The following RSPH14 variants were observed in gnomAD, a reference collection of about 807,000 sequenced individuals.
The protein encoded by RSPH14 is rhabdoid tumor deletion region gene 1.
A neutral mutation model predicts 26.7 loss-of-function variants in RSPH14; 20 were observed. The observed-to-expected ratio is 0.75, with a 90% confidence interval of 0.53 to 1.09. The LOEUF is 1.09. Among genes scored for constraint, RSPH14 ranks in the 50% least tolerant of loss-of-function variants. RSPH14 has a pLI of 0.00. For synonymous variants in RSPH14, 177 were observed against 189.3 expected, an observed-to-expected ratio of 0.93 and a Z score of 0.53; for missense variants, 449 against 457.2, an observed-to-expected ratio of 0.98 and a Z score of 0.16.
intron 4 of RSPH14, among the ~76,000 whole-genome samples, chr22:23,131,875 G>A (rs889164942): frequency 1.3e-5 from 2 of 152,134 alleles, no homozygotes; most frequent in Non-Finnish European, 2.9e-5. Context: ...GCACGGTGGT[G>A]TTTTTAAAAA....
intron 5 of RSPH14, among the ~76,000 whole-genome samples, chr22:23,062,635 G>A (rs1051007652): frequency 4.6e-5 from 7 of 152,194 alleles, no homozygotes; most frequent in Non-Finnish European, 8.8e-5. Flanking sequence ...TGACCTCAAA[G>A]ACACAGGTGT....
At chr22:23,149,753 C>T (rs1273483547), upstream of RSPH14, among the ~76,000 whole-genome samples, 1 of 152,226 alleles carries the variant, frequency 6.6e-6, no homozygotes, top group Non-Finnish European at 1.5e-5. Flanking sequence ...TCGTCTCGCC[C>T]TGAGAGGGTT....
chr22:23,062,162 G>A (rs969708066), intron 5 of RSPH14, among the ~76,000 whole-genome samples: 12 of 152,218 alleles, frequency 7.9e-5, no homozygotes, highest in African/African-American at 2.9e-4. Context: ...TGAAGACCAC[G>A]GGGTGACAGG....
At chr22:23,179,162 G>A in the RSPH14 span, among the ~76,000 whole-genome samples, 1 of 152,342 alleles carries the variant, frequency 6.6e-6, no homozygotes, top group African/African-American at 2.4e-5. Context: ...CAAAGTATCT[G>A]CTCCAGATGA....
intron 4 of RSPH14, among the ~76,000 whole-genome samples, chr22:23,126,657 C>T (rs1043766046): frequency 3.3e-5 from 5 of 152,192 alleles, no homozygotes; most frequent in East Asian, 1.9e-4. Flanking sequence ...TCTTAGCCAA[C>T]GGGAGGTAAG....
intron 4 of RSPH14, among the ~76,000 whole-genome samples, chr22:23,083,894 G>A (rs1169252737): frequency 6.6e-6 from 1 of 152,204 alleles, no homozygotes; most frequent in Non-Finnish European, 1.5e-5. Context: ...AGTAGTCAGG[G>A]GTCCTCATCA....
intron 4 of RSPH14, among the ~76,000 whole-genome samples, chr22:23,111,083 C>T (rs987243665): frequency 1.1e-4 from 17 of 152,324 alleles, no homozygotes; most frequent in South Asian, 4.1e-4. Flanking sequence ...GGGGGGCCTG[C>T]GCGCCTTCCC....
chr22:23,180,502 CTGCGG>C, the RSPH14 span: 1 of 168,196 alleles, frequency 5.9e-6, no homozygotes, highest in East Asian at 1.3e-4. Flanking sequence ...CCTCCCCTTC[CTGCGG>C]CGCAGAGTGC....
At chr22:23,120,981 T>C (rs2070008638) in intron 4 of RSPH14, among the ~76,000 whole-genome samples, 1 of 152,234 alleles carries the variant, frequency 6.6e-6, no homozygotes, top group Non-Finnish European at 1.5e-5. Flanking sequence ...GACAGCTCTG[T>C]TACCACAGTC....
At chr22:23,117,440 C>T (rs1159079655) in intron 4 of RSPH14, among the ~76,000 whole-genome samples, 2 of 152,226 alleles carry the variant, frequency 1.3e-5, no homozygotes, top group Non-Finnish European at 2.9e-5. Context: ...GCTGAATCCC[C>T]ATCTGCAGCA....
At chr22:23,074,345 G>A (rs2068455962) in intron 4 of RSPH14, among the ~76,000 whole-genome samples, 1 of 152,202 alleles carries the variant, frequency 6.6e-6, no homozygotes, top group African/African-American at 2.4e-5. Context: ...AAATGCAGGT[G>A]GGAGATTTGT....
intron 4 of RSPH14, among the ~76,000 whole-genome samples, chr22:23,074,574 G>C (rs1339898262): frequency 6.6e-6 from 1 of 152,200 alleles, no homozygotes; most frequent in Admixed American, 6.5e-5. Flanking sequence ...CTGGCACTGA[G>C]GTGTGTGGCA....
At chr22:23,115,500 G>A (rs915672991) in intron 4 of RSPH14, among the ~76,000 whole-genome samples, 39 of 152,306 alleles carry the variant, frequency 2.6e-4, no homozygotes, top group African/African-American at 7.7e-4. Flanking sequence ...CTGGGAGTGC[G>A]TCTGGCCTCC....
chr22:23,113,803 G>T lies in RSPH14; in HGVS notation c.421+20223C>A, dbSNP rs1296905173. Among the ~76,000 whole-genome samples, 3 of 152,382 alleles carry T rather than the reference G, an allele frequency of 2.0e-5. No individual in the cohort carries two copies. The East Asian group carries it at 5.8e-4, about 29-fold the overall frequency. On this transcript the variant is annotated intron_variant, in intron 4 of 6. Transcript: ENST00000216036. Reference sequence around the variant, plus strand: ...GCACTCAGGATGGCCCAGGCAGGTTGCAGAGGCTCCTGCCCACCAGGCCTG... The same window carrying T: ...GCACTCAGGATGGCCCAGGCAGGTTTCAGAGGCTCCTGCCCACCAGGCCTG...
At chr22:23,159,271 G>C in the RSPH14 span, 2 of 1,565,636 alleles carry the variant, frequency 1.3e-6, no homozygotes, top group Non-Finnish European at 1.7e-6. Flanking sequence ...GGCCAGGGCT[G>C]TCACCATGGT....
At chr22:23,153,135 G>A in the RSPH14 span, 1 of 1,612,630 alleles carries the variant, frequency 6.2e-7, no homozygotes, top group Non-Finnish European at 8.5e-7. Flanking sequence ...GCCTCCAGAT[G>A]TAAGTTGCTG....
chr22:23,133,962 C>A (rs746801221), intron 4 of RSPH14, 64 bp downstream of exon 4: 2 of 1,133,804 alleles, frequency 1.8e-6, no homozygotes, highest in Admixed American at 1.7e-5. Context: ...CATATGTGAC[C>A]TGGAGAGGAG....
chr22:23,180,588 C>T, the RSPH14 span: 2 of 35,212 alleles, frequency 5.7e-5, no homozygotes, highest in South Asian at 5.6e-4. Context: ...GCGGCGGCGG[C>T]GGCACGGCGG....
the RSPH14 span, among the ~76,000 whole-genome samples, chr22:23,168,398 T>A: frequency 6.6e-6 from 1 of 150,638 alleles, no homozygotes; most frequent in Non-Finnish European, 1.5e-5. Flanking sequence ...ATGTGGGGGG[T>A]TTCAGAGGAA....
Sources: allele counts gnomAD v4.1 joint callset (sites outside exome capture counted in the v4.1 genomes callset), GRCh38; gene constraint gnomAD v4.1.1; transcripts MANE v1.5; gene names NCBI Gene and HGNC (gene_info 2026-07-23, HGNC 2026-07-21).